The following NCBP1 variants were observed in gnomAD, a reference collection of about 807,000 sequenced individuals.
NCBP1 encodes nuclear cap binding protein subunit 1, also known as nuclear cap-binding protein subunit 1.
In NCBP1, 16 loss-of-function variants were observed where a neutral mutation model predicts 111.7. That is an observed-to-expected ratio of 0.14 (90% CI 0.10 to 0.22). NCBP1 has a LOEUF of 0.22. Ranked by LOEUF, NCBP1 falls within the 10% of genes least tolerant of loss-of-function variation. NCBP1 has a pLI of 1.00. For synonymous variants in NCBP1, 304 were observed against 314.3 expected, an observed-to-expected ratio of 0.97 and a Z score of 0.35; for missense variants, 607 against 957.5, an observed-to-expected ratio of 0.63 and a Z score of 4.83.
rs772560713 is a variant in NCBP1, at chr9:97,645,743, A to T, written c.611+11A>T. The T allele has an allele frequency of 4.3e-6, 7 of 1,613,410 alleles. No homozygotes were observed. The highest frequency in any genetic ancestry group is 5.9e-6 in the Non-Finnish European group (7 of 1,179,638). On this transcript the variant is annotated intron_variant, in intron 6 of 22. Coordinates refer to ENST00000375147, the MANE Select transcript of NCBP1 (RefSeq NM_002486.5). Reference sequence around the variant, plus strand: ...TGAAAGCTATCTTAAGTAAGGGCACAGCTCATAGTACTCTTTGTTGCTTAG... The same window carrying T: ...TGAAAGCTATCTTAAGTAAGGGCACTGCTCATAGTACTCTTTGTTGCTTAG...
chr9:97,651,482 G>A (rs1827496675), intron 10 of NCBP1, 109 bp downstream of exon 10: 2 of 979,736 alleles, frequency 2.0e-6, no homozygotes, highest in Non-Finnish European at 2.9e-6. Context: ...ATTGCTACTT[G>A]TCCAGCATTC....
intron 22 of NCBP1, chr9:97,669,976 T>TA (rs1320772634): frequency 4.2e-6 from 2 of 471,300 alleles, no homozygotes; most frequent in Non-Finnish European, 7.8e-6. Context: ...AGGCTGGAGT[T>TA]CAGTGACACG....
chr9:97,656,194 C>A, intron 14 of NCBP1, 109 bp downstream of exon 14: 1 of 877,136 alleles, frequency 1.1e-6, no homozygotes, highest in Non-Finnish European at 1.8e-6. Flanking sequence ...ACTTACTCAT[C>A]TTCCATCCCA....
chr9:97,646,522 G>A (rs535909862), intron 6 of NCBP1, among the ~76,000 whole-genome samples: 1 of 152,094 alleles, frequency 6.6e-6, no homozygotes, highest in East Asian at 1.9e-4. Flanking sequence ...ATTAAGTAAA[G>A]TTAAAAGAAG....
intron 14 of NCBP1, among the ~76,000 whole-genome samples, chr9:97,657,334 T>C (rs1041911193): frequency 1.3e-5 from 2 of 152,220 alleles, no homozygotes; most frequent in Non-Finnish European, 2.9e-5. Flanking sequence ...CCTTCAGTCT[T>C]GAACACTTAA....
intron 20 of NCBP1, among the ~76,000 whole-genome samples, chr9:97,667,899 G>C (rs1392284916): frequency 1.3e-5 from 2 of 152,198 alleles, no homozygotes; most frequent in African/African-American, 4.8e-5. Flanking sequence ...TAGTGCTCTA[G>C]AACCTTACCT....
At chr9:97,646,137 A>C (rs1827329239) in intron 6 of NCBP1, among the ~76,000 whole-genome samples, 1 of 152,224 alleles carries the variant, frequency 6.6e-6, no homozygotes, top group African/African-American at 2.4e-5. Flanking sequence ...CACATTTCAC[A>C]AGTGGAGAAC....
intron 9 of NCBP1, among the ~76,000 whole-genome samples, chr9:97,651,025 G>A (rs1212572547): frequency 6.6e-6 from 1 of 151,956 alleles, no homozygotes; most frequent in Admixed American, 6.6e-5. Context: ...TTATGAGAGT[G>A]ATCTACTCTA....
At chr9:97,651,485 C>T in intron 10 of NCBP1, 112 bp downstream of exon 10, 2 of 956,966 alleles carry the variant, frequency 2.1e-6, no homozygotes, top group Non-Finnish European at 3.0e-6. Flanking sequence ...GCTACTTGTC[C>T]AGCATTCAGA....
At chr9:97,640,957 C>A in intron 2 of NCBP1, 75 bp downstream of exon 2, 1 of 1,175,222 alleles carries the variant, frequency 8.5e-7, no homozygotes, top group South Asian at 1.6e-5. Context: ...ATTTTTGCAG[C>A]TGAAAAGTTG....
chr9:97,659,373 G>A (rs543875800), intron 15 of NCBP1, among the ~76,000 whole-genome samples: 1 of 152,246 alleles, frequency 6.6e-6, no homozygotes, highest in African/African-American at 2.4e-5. Flanking sequence ...TTGTGTAGAG[G>A]TTCTTTGTAT....
intron 12 of NCBP1, 30 bp downstream of exon 12, chr9:97,654,974 G>C: frequency 6.7e-7 from 1 of 1,491,616 alleles, no homozygotes; most frequent in Non-Finnish European, 9.0e-7. Context: ...GCTGAGCTGA[G>C]TTAGCAGCTT....
intron 17 of NCBP1, among the ~76,000 whole-genome samples, chr9:97,662,612 ATC>A (rs1457631580): frequency 2.0e-5 from 3 of 152,170 alleles, no homozygotes; most frequent in African/African-American, 7.2e-5. Context: ...ATCTCACCCC[ATC>A]TCTGTCTCCA....
chr9:97,644,935 C>T (rs989897950), intron 4 of NCBP1, among the ~76,000 whole-genome samples, 182 bp from the exon 5 acceptor site: 3 of 151,302 alleles, frequency 2.0e-5, no homozygotes, highest in South Asian at 2.1e-4. Context: ...TTTTTTTTCA[C>T]GCATTTAAAA....
At chr9:97,640,107 G>A (rs562363673) in intron 1 of NCBP1, among the ~76,000 whole-genome samples, 70 of 152,120 alleles carry the variant, frequency 4.6e-4, no homozygotes, top group Admixed American at 1.0e-3. Flanking sequence ...ACTGACTGTC[G>A]TTCCCATTAT....
chr9:97,658,689 G>A lies in NCBP1; in HGVS notation c.1423G>A (p.Ala475Thr). ...ILDIVPPTFSALCPANPTCIY... is the reference protein window; with the variant it reads ...ILDIVPPTFSTLCPANPTCIY... ...AGATATTGTTCCTCCTACCTTCTCA[G>A]CTCTGTGTCCTGCAAACCCAACCTG... Residue 475 changes from alanine to threonine, a missense_variant, in exon 15 of 23, where the codon GCT becomes ACT. By Grantham distance (58) the Ala-to-Thr change is moderately conservative (BLOSUM62 0). Coordinates refer to ENST00000375147, the MANE Select transcript of NCBP1 (RefSeq NM_002486.5). The A allele has an allele frequency of 1.2e-6, 2 of 1,613,610 alleles. No homozygotes were observed. The highest frequency in any genetic ancestry group is 1.7e-6 in the Non-Finnish European group (2 of 1,179,640).
At chr9:97,656,430 T>C (rs922460877) in intron 14 of NCBP1, among the ~76,000 whole-genome samples, 3 of 152,068 alleles carry the variant, frequency 2.0e-5, no homozygotes, top group African/African-American at 4.8e-5. Context: ...AAAATAAAAA[T>C]TTGCGAGGCG....
intron 19 of NCBP1, among the ~76,000 whole-genome samples, chr9:97,665,048 A>AGG (rs1046218799): frequency 2.0e-5 from 3 of 152,250 alleles, no homozygotes; most frequent in African/African-American, 7.2e-5. Context: ...TGATAGGACC[A>AGG]GGGCAGCAGG....
chr9:97,651,504 A>G, intron 10 of NCBP1, 131 bp downstream of exon 10: 1 of 830,524 alleles, frequency 1.2e-6, no homozygotes, highest in Non-Finnish European at 1.7e-6. Flanking sequence ...GAATTAATAG[A>G]AGCAAGGAAA....
Sources: gnomAD v4.1 joint callset for allele counts (sites outside exome capture counted in the v4.1 genomes callset) on GRCh38, gnomAD v4.1.1 for gene constraint, MANE v1.5 for transcripts, NCBI Gene and HGNC (gene_info 2026-07-23, HGNC 2026-07-21) for gene names.